ZCWPW2: variants seen among roughly 807,000 people sequenced by gnomAD.
ZCWPW2 encodes the protein zinc finger CW-type and PWWP domain containing 2, also known as zinc finger CW-type PWWP domain protein 2.
Under a neutral mutation model 46.6 loss-of-function variants are expected in ZCWPW2, and 45 were observed. The observed-to-expected ratio is 0.96, with a 90% confidence interval of 0.76 to 1.24. The LOEUF (loss-of-function observed/expected upper bound fraction) is 1.24. Among genes scored for constraint, ZCWPW2 ranks in the 50% most tolerant of loss-of-function variants. The probability of loss-of-function intolerance (pLI) is 0.00; values close to 1 mark genes in which losing one functional copy is unlikely to be tolerated. For missense variants in ZCWPW2, 429 were observed against 403.9 expected, an observed-to-expected ratio of 1.06 and a Z score of -0.53; for synonymous variants, 152 against 137.1, an observed-to-expected ratio of 1.11 and a Z score of -0.76.
chr3:28,504,848 G>A (rs577294536), intron 6 of ZCWPW2, among the ~76,000 whole-genome samples: 2 of 152,182 alleles, frequency 1.3e-5, no homozygotes, highest in South Asian at 4.2e-4. Context: ...GTCCCTCCCC[G>A]GACACCCTGT....
At chr3:28,444,542 G>A (rs1271227838) in intron 4 of ZCWPW2, among the ~76,000 whole-genome samples, 1 of 152,076 alleles carries the variant, frequency 6.6e-6, no homozygotes, top group Non-Finnish European at 1.5e-5. Flanking sequence ...ATTCCACATT[G>A]CAGGGTCCCA....
chr3:28,426,511 G>A lies in ZCWPW2; in HGVS notation c.333-8599G>A, dbSNP rs1394541691. Among the ~76,000 whole-genome samples, 3 of 152,206 alleles carry A rather than the reference G, an allele frequency of 2.0e-5. No homozygotes were observed. In the East Asian group the frequency reaches 5.8e-4, roughly 29 times the overall value. On this transcript the variant is annotated intron_variant, in intron 3 of 9. Transcript: ENST00000383768. ...TAAAATATGGCTTTAAGTTAACAAA[G>A]CAATCAAGTGATACTTTTTAGACAC... is the stretch of plus-strand genomic sequence containing the variant.
chr3:28,406,399 T>C (rs796165559), intron 2 of ZCWPW2, among the ~76,000 whole-genome samples: 13 of 152,334 alleles, frequency 8.5e-5, no homozygotes, highest in African/African-American at 2.9e-4. Flanking sequence ...AATGCTTTTG[T>C]AGTGACTGTT....
chr3:28,442,867 A>C (rs1353913384), intron 4 of ZCWPW2, among the ~76,000 whole-genome samples: 2 of 152,176 alleles, frequency 1.3e-5, no homozygotes, highest in African/African-American at 4.8e-5. Context: ...TGGTGGCACT[A>C]GTCTCCACAG....
rs574898133 is a variant in ZCWPW2 at position 28,410,446 on chromosome 3, C to T, written c.-13-2610C>T. On this transcript the variant is annotated intron_variant, in intron 2 of 9. Coordinates refer to ENST00000383768, the MANE Select transcript of ZCWPW2 (RefSeq NM_001040432.4). ...TCATTTTTTGCACACATATAACATT[C>T]ACAAGTGTTGTTAAGTAGGGCCACA... Among the ~76,000 whole-genome samples the T allele has an allele frequency of 1.2e-3, 179 of 152,000 alleles. 1 individual carries two copies. Among genetic ancestry groups the T allele is most frequent in the African/African-American group, 4.0e-3 (165 of 41,510 alleles).
At chr3:28,368,248 C>A (rs1471097201) in intron 1 of ZCWPW2, among the ~76,000 whole-genome samples, 1 of 152,116 alleles carries the variant, frequency 6.6e-6, no homozygotes, top group Admixed American at 6.6e-5. Context: ...CCTCGATGGT[C>A]TTTACAATTT....
chr3:28,462,465 G>A (rs1033037602), intron 4 of ZCWPW2, among the ~76,000 whole-genome samples: 22 of 152,138 alleles, frequency 1.4e-4, no homozygotes, highest in Admixed American at 2.0e-4. Flanking sequence ...CACCTTTTAG[G>A]CACAATGACT....
At chr3:28,460,475 C>T (rs1166081674) in intron 4 of ZCWPW2, among the ~76,000 whole-genome samples, 1 of 151,992 alleles carries the variant, frequency 6.6e-6, no homozygotes, top group African/African-American at 2.4e-5. Flanking sequence ...CTAAATAAAC[C>T]ATATTTGATT....
chr3:28,401,231 G>A (rs921831283), intron 2 of ZCWPW2, among the ~76,000 whole-genome samples: 3 of 151,748 alleles, frequency 2.0e-5, no homozygotes, highest in Non-Finnish European at 4.4e-5. Context: ...AAGGTATACA[G>A]GTAACAGATA....
intron 3 of ZCWPW2, among the ~76,000 whole-genome samples, chr3:28,422,485 T>C (rs1559498034): frequency 1.3e-5 from 2 of 152,230 alleles, no homozygotes; most frequent in Admixed American, 6.5e-5. Context: ...TTTAGCCTTT[T>C]CAGACTATCT....
intron 1 of ZCWPW2, among the ~76,000 whole-genome samples, chr3:28,371,770 G>A (rs983857990): frequency 2.0e-5 from 3 of 152,154 alleles, no homozygotes; most frequent in Non-Finnish European, 4.4e-5. Flanking sequence ...GGGCTGCAGA[G>A]GCCAAAGACA....
intron 4 of ZCWPW2, among the ~76,000 whole-genome samples, chr3:28,462,159 A>G (rs1290889517): frequency 6.6e-6 from 1 of 152,164 alleles, no homozygotes; most frequent in Non-Finnish European, 1.5e-5. Flanking sequence ...GGCCAGGGCC[A>G]CTGCGAGGGA....
In ZCWPW2 at chr3:28,438,744, C is replaced by T. The variant is rs147160836; in HGVS notation, c.492+3475C>T. ...CTACTAGACAAATACTTTAAAGCCA[C>T]TGTCTTAAAGATGCTCAAAGAACTA... On this transcript the variant is annotated intron_variant, in intron 4 of 9. Coordinates refer to ENST00000383768, the MANE Select transcript of ZCWPW2 (RefSeq NM_001040432.4). Among the ~76,000 whole-genome samples the T allele has an allele frequency of 2.5e-3, 377 of 152,182 alleles. 1 individual carries two copies. The highest frequency in any genetic ancestry group is 8.3e-3 in the African/African-American group (344 of 41,534).
intron 4 of ZCWPW2, among the ~76,000 whole-genome samples, chr3:28,462,877 A>G (rs1054493407): frequency 6.6e-6 from 1 of 152,220 alleles, no homozygotes; most frequent in Non-Finnish European, 1.5e-5. Context: ...GTTATTGAAA[A>G]GAGACATTCA....
chr3:28,503,875 C>G (rs1700211611), intron 6 of ZCWPW2, among the ~76,000 whole-genome samples: 1 of 151,830 alleles, frequency 6.6e-6, no homozygotes, highest in African/African-American at 2.4e-5. Context: ...TTTTGAGATG[C>G]TATTTGTCTT....
At chr3:28,454,972 G>C (rs973624336) in intron 4 of ZCWPW2, among the ~76,000 whole-genome samples, 10 of 152,128 alleles carry the variant, frequency 6.6e-5, no homozygotes, top group Non-Finnish European at 1.5e-5. Flanking sequence ...TTATAATAGA[G>C]TGTTTTTATT....
chr3:28,423,190 G>T (rs1377841450), intron 3 of ZCWPW2, among the ~76,000 whole-genome samples: 1 of 151,762 alleles, frequency 6.6e-6, no homozygotes, highest in Non-Finnish European at 1.5e-5. Flanking sequence ...TTGCAGAGCA[G>T]GTATTTTTTT....
chr3:28,362,172 A>G (rs1328352368), intron 1 of ZCWPW2, among the ~76,000 whole-genome samples: 3 of 152,212 alleles, frequency 2.0e-5, no homozygotes, highest in Non-Finnish European at 4.4e-5. Flanking sequence ...TATAAATGGA[A>G]TGGAATATCC....
At chr3:28,466,809 A>G (rs1274230391) in intron 4 of ZCWPW2, among the ~76,000 whole-genome samples, 4 of 152,160 alleles carry the variant, frequency 2.6e-5, no homozygotes, top group Non-Finnish European at 4.4e-5. Flanking sequence ...AAATAAAAAT[A>G]AAAATAAAAA....
Sources: gnomAD v4.1 joint callset for allele counts (sites outside exome capture counted in the v4.1 genomes callset) on GRCh38, gnomAD v4.1.1 for gene constraint, MANE v1.5 for transcripts, NCBI Gene and HGNC (gene_info 2026-07-23, HGNC 2026-07-21) for gene names.